Variants in CREB5 observed in about 807,000 individuals in gnomAD.
The protein encoded by CREB5 is cyclic AMP-responsive element-binding protein 5.
Under a neutral mutation model 57.1 loss-of-function variants are expected in CREB5, and 19 were observed. The ratio of observed to expected loss-of-function variants is 0.33; its 90% CI spans 0.23 to 0.49. The LOEUF (loss-of-function observed/expected upper bound fraction) is 0.49, where lower values mean the gene tolerates loss of function less well. Ranked by LOEUF, CREB5 falls within the 20% of genes least tolerant of loss-of-function variation. The probability of loss-of-function intolerance (pLI) is 0.99; values close to 1 mark genes in which losing one functional copy is unlikely to be tolerated. For synonymous variants in CREB5, 238 were observed against 238.3 expected (o/e 1.00, Z 0.01); for missense variants, 579 against 671.6 (o/e 0.86, Z 1.52).
intron 5 of CREB5, among the ~76,000 whole-genome samples, chr7:28,716,137 A>C (rs1254177824): frequency 6.6e-6 from 1 of 152,092 alleles, no homozygotes; most frequent in Non-Finnish European, 1.5e-5. Flanking sequence ...TTTTTTCTCT[A>C]ATTTTTTTTA....
chr7:28,552,000 C>CTT, intron 4 of CREB5, among the ~76,000 whole-genome samples: 1 of 29,478 alleles, frequency 3.4e-5, no homozygotes, highest in Non-Finnish European at 5.3e-5. Context: ...TCTCTTTTCT[C>CTT]TCTCTCTCTC....
intron 1 of CREB5, among the ~76,000 whole-genome samples, chr7:28,425,954 G>T (rs1788495568): frequency 6.6e-6 from 1 of 152,072 alleles, no homozygotes; most frequent in Non-Finnish European, 1.5e-5. Context: ...TTTCAGTGAG[G>T]GCCACCACTG....
At chr7:28,436,417 C>T (rs1263608883) in intron 1 of CREB5, among the ~76,000 whole-genome samples, 1 of 152,150 alleles carries the variant, frequency 6.6e-6, no homozygotes, top group Non-Finnish European at 1.5e-5. Flanking sequence ...CATGTTTGCC[C>T]TATTAAGTGG....
chr7:28,466,275 G>A (rs906913430), intron 1 of CREB5, among the ~76,000 whole-genome samples: 2 of 149,950 alleles, frequency 1.3e-5, no homozygotes, highest in Non-Finnish European at 2.9e-5. Context: ...CATAAAAATC[G>A]GGAATGATAA....
intron 5 of CREB5, among the ~76,000 whole-genome samples, chr7:28,713,915 A>AT (rs1299420620): frequency 4.6e-5 from 7 of 150,976 alleles, no homozygotes; most frequent in Admixed American, 6.6e-5. Flanking sequence ...TATTTTTTCA[A>AT]TTTTTTTTCA....
At chr7:28,407,016 G>T (rs530375666) in intron 1 of CREB5, among the ~76,000 whole-genome samples, 1 of 151,288 alleles carries the variant, frequency 6.6e-6, no homozygotes, top group East Asian at 1.9e-4. Context: ...CATAGTACTT[G>T]CCCTGTGCCA....
intron 6 of CREB5, among the ~76,000 whole-genome samples, chr7:28,720,769 G>A (rs944407339): frequency 4.6e-5 from 7 of 152,106 alleles, no homozygotes; most frequent in South Asian, 2.1e-4. Context: ...AACCAACTAC[G>A]TGAAGACTTC....
In CREB5 at chr7:28,590,668, A is replaced by G. The variant is rs1430800926; in HGVS notation, c.464+20131A>G. 2.9e-5 allele frequency among the ~76,000 whole-genome samples: 3 copies of G among 104,002 alleles called. No homozygotes were observed. In the East Asian group the frequency reaches 8.3e-4, roughly 29 times the overall value. 68.2% of individuals were successfully genotyped at this position (104,002 alleles called of 152,430 possible). On this transcript the variant is annotated intron_variant, in intron 5 of 10. Coordinates refer to ENST00000357727, the MANE Select transcript of CREB5 (RefSeq NM_182898.4). ...GTTGTGCGCATGTACCCTGGAACTT[A>G]AAGTATAATAATAATAATAATAATA...
At chr7:28,383,672 G>A (rs1288319215) in intron 1 of CREB5, among the ~76,000 whole-genome samples, 1 of 152,098 alleles carries the variant, frequency 6.6e-6, no homozygotes, top group East Asian at 1.9e-4. Flanking sequence ...GCATCAAGGC[G>A]ATGGTGCTAA....
At chr7:28,739,541 C>T (rs536404129) in intron 7 of CREB5, among the ~76,000 whole-genome samples, 8 of 152,246 alleles carry the variant, frequency 5.3e-5, no homozygotes, top group South Asian at 2.1e-4. Context: ...TAACAAGCTG[C>T]GGGTTTTGCA....
chr7:28,496,099 T>C (rs1387058819), intron 3 of CREB5, among the ~76,000 whole-genome samples: 1 of 152,208 alleles, frequency 6.6e-6, no homozygotes, highest in Admixed American at 6.5e-5. Context: ...ATGGGAATGA[T>C]TGTGTCTGCC....
chr7:28,578,428 G>T (rs997319367), intron 5 of CREB5, among the ~76,000 whole-genome samples: 1 of 152,202 alleles, frequency 6.6e-6, no homozygotes, highest in African/African-American at 2.4e-5. Context: ...ATTAGTATGT[G>T]CAGTGCCCTG....
chr7:28,380,413 G>T (rs969389749), intron 1 of CREB5, among the ~76,000 whole-genome samples: 5 of 152,164 alleles, frequency 3.3e-5, no homozygotes, highest in African/African-American at 1.2e-4. Context: ...CTGACAAGTG[G>T]TTTTGACCCA....
intron 7 of CREB5, among the ~76,000 whole-genome samples, chr7:28,733,525 A>T (rs1803787545): frequency 6.6e-6 from 1 of 151,778 alleles, no homozygotes; most frequent in Non-Finnish European, 1.5e-5. Flanking sequence ...TGCAAACTCC[A>T]CTCCTTTTGT....
Position 28,488,257 on chromosome 7 carries a change from G to A in CREB5, c.75+11G>A, listed in dbSNP as rs764944957. 25 of 1,612,776 alleles carry A rather than the reference G, an allele frequency of 1.6e-5. No individual in the cohort carries two copies. In the African/African-American group the frequency reaches 1.7e-4, roughly 11 times the overall value. ...CCAGGCTGCTCCCAGGTGAGTGTGCGGATCCTCCCTGCTCTGACATGCAGG... is the reference window on the plus strand; with the variant it reads ...CCAGGCTGCTCCCAGGTGAGTGTGCAGATCCTCCCTGCTCTGACATGCAGG... On this transcript the variant is annotated intron_variant, in intron 2 of 10. Coordinates refer to ENST00000357727, the MANE Select transcript of CREB5 (RefSeq NM_182898.4).
At chr7:28,795,192 C>T (rs183985543) in intron 7 of CREB5, among the ~76,000 whole-genome samples, 36 of 152,326 alleles carry the variant, frequency 2.4e-4, no homozygotes, top group South Asian at 1.7e-3. Flanking sequence ...CCACACCCTT[C>T]TGTTACATAT....
intron 5 of CREB5, 54 bp from the exon 6 acceptor site, chr7:28,718,698 GA>G: frequency 6.2e-7 from 1 of 1,602,742 alleles, no homozygotes. Context: ...GGACACTGGG[GA>G]GACAGGGCCA....
intron 7 of CREB5, among the ~76,000 whole-genome samples, chr7:28,745,414 C>G (rs930439479): frequency 2.6e-5 from 4 of 152,168 alleles, no homozygotes; most frequent in African/African-American, 4.8e-5. Context: ...CATTCTTAGC[C>G]TTGATGCTAG....
chr7:28,398,796 T>C (rs969098174), intron 1 of CREB5, among the ~76,000 whole-genome samples: 10 of 152,102 alleles, frequency 6.6e-5, no homozygotes, highest in African/African-American at 2.4e-4. Context: ...ACTACAGCCT[T>C]GGCCTCTGAG....
Sources: allele counts gnomAD v4.1 joint callset (sites outside exome capture counted in the v4.1 genomes callset), GRCh38; gene constraint gnomAD v4.1.1; transcripts MANE v1.5; gene names NCBI Gene and HGNC (gene_info 2026-07-23, HGNC 2026-07-21).